The following NUMB variants were observed in gnomAD, a reference collection of about 807,000 sequenced individuals.
NUMB encodes NUMB endocytic adaptor protein.
In NUMB, 29 loss-of-function variants were observed where a neutral mutation model predicts 59.7. That is an observed-to-expected ratio of 0.49 (90% confidence interval 0.36 to 0.66). The LOEUF is 0.66. NUMB is among the 30% of genes least tolerant of loss of function. NUMB has a pLI of 0.00. For missense variants in NUMB, 723 were observed against 822.0 expected, an observed-to-expected ratio of 0.88 and a Z score of 1.47; for synonymous variants, 288 against 288.2, an observed-to-expected ratio of 1.00 and a Z score of 0.01.
At chr14:73,299,560 TGTCATATATATGACATGACATATGTC>T (rs1183568283) in intron 6 of NUMB, among the ~76,000 whole-genome samples, 9,811 of 131,390 alleles carry the variant, frequency 0.075, 798 homozygotes, top group African/African-American at 0.21. Context: ...GTATCATATA[TGTCATATATATGACATGACATATGTC>T]ATGTCATATA....
At chr14:73,442,332 C>G (rs949120703) in intron 1 of NUMB, among the ~76,000 whole-genome samples, 1 of 151,900 alleles carries the variant, frequency 6.6e-6, no homozygotes, top group Non-Finnish European at 1.5e-5. Flanking sequence ...ATGATTGCAC[C>G]ACTGCACTCT....
chr14:73,276,710 T>C lies in NUMB; in HGVS notation c.1824A>G (p.Thr608=), dbSNP rs1305353861. 1.2e-6 allele frequency: 2 copies of C among 1,614,210 alleles called. No homozygotes were observed. The highest frequency in any genetic ancestry group is 1.7e-6 in the Non-Finnish European group (2 of 1,180,026). The part of the protein sequence containing the change: ...ASADRHTEVP[T]GTCPVDPFEA... ...CAAAAGGATCCACTGGGCAGGTGCCTGTAGGAACCTCTGTATGCCTGTCTG... is the reference window on the plus strand; with the variant it reads ...CAAAAGGATCCACTGGGCAGGTGCCCGTAGGAACCTCTGTATGCCTGTCTG... Residue 608 remains threonine, a synonymous_variant, in exon 13 of 13, where the codon ACA becomes ACG. Transcript: ENST00000555238.
intron 1 of NUMB, among the ~76,000 whole-genome samples, chr14:73,425,472 G>A (rs1897538994): frequency 6.6e-6 from 1 of 152,076 alleles, no homozygotes; most frequent in South Asian, 2.1e-4. Context: ...CTCCCAAAGT[G>A]TTGAGATTAC....
intron 11 of NUMB, among the ~76,000 whole-genome samples, chr14:73,279,817 CTCT>C (rs1274072725): frequency 1.3e-5 from 2 of 152,276 alleles, no homozygotes; most frequent in East Asian, 1.9e-4. Context: ...TAGCATTTCC[CTCT>C]TCTTCACTTT....
rs1897026686 is a variant in NUMB at position 73,414,314 on chromosome 14, G to A, written c.-232-4246C>T. On this transcript the variant is annotated intron_variant, in intron 1 of 12. Transcript: ENST00000555238. ...TAAGTTTTCAGAGACTATAGGAAAG[G>A]CTTATATGGTCTTAAAGGAAAAACT... Among the ~76,000 whole-genome samples the A allele has an allele frequency of 1.3e-5, 2 of 152,138 alleles. 1 individual carries two copies. The highest frequency in any genetic ancestry group is 4.1e-4 in the South Asian group (2 of 4,822).
intron 4 of NUMB, among the ~76,000 whole-genome samples, chr14:73,353,072 GTTTTTTTTTTTTTTTTT>G (rs71112737): frequency 2.6e-4 from 15 of 58,514 alleles, no homozygotes; most frequent in South Asian, 6.2e-4. Context: ...AGTTTTTCTT[GTTTTTTTTTTTTTTTTT>G]TTTTTTTTTT....
At position 73,392,564 on chromosome 14, in the gene NUMB, T is replaced by TA. The variant is rs1215735285; in HGVS notation, c.-101+17372dup. On this transcript the variant is annotated intron_variant, in intron 2 of 12. Transcript: ENST00000555238. Reference sequence around the variant, plus strand: ...AGCTTCAATCAATACCTCAGGAAATTAGACAGTTGTGCCTTAGTCGATATC... The same window carrying TA: ...AGCTTCAATCAATACCTCAGGAAATTAAGACAGTTGTGCCTTAGTCGATATC... Among the ~76,000 whole-genome samples, 7 of 152,350 alleles carry TA rather than the reference T, an allele frequency of 4.6e-5. No homozygotes were observed. In the South Asian group the frequency reaches 1.4e-3, roughly 32 times the overall value.
At chr14:73,356,460 T>C (rs1394397230) in intron 3 of NUMB, among the ~76,000 whole-genome samples, 1 of 152,034 alleles carries the variant, frequency 6.6e-6, no homozygotes, top group Non-Finnish European at 1.5e-5. Flanking sequence ...CTGGCCAACA[T>C]GGCAAAACCC....
intron 4 of NUMB, among the ~76,000 whole-genome samples, chr14:73,337,136 T>A (rs1038711218): frequency 7.5e-5 from 11 of 145,976 alleles, no homozygotes; most frequent in Non-Finnish European, 4.5e-5. Context: ...ACTCTGTCTT[T>A]AAAAAAAAAA....
chr14:73,412,902 T>C lies in NUMB; in HGVS notation c.-232-2834A>G, dbSNP rs74681142. On this transcript the variant is annotated intron_variant, in intron 1 of 12. Transcript: ENST00000555238. ...CCTTGGCATTACAGTCATGAGCCAC[T>C]GTGCCCTGCCAAAAGCAACTATTAA... Among the ~76,000 whole-genome samples the C allele has an allele frequency of 5.2e-3, 793 of 152,162 alleles. 8 individuals are homozygous for C. The highest frequency in any genetic ancestry group is 0.018 in the African/African-American group (748 of 41,520).
At position 73,316,434 on chromosome 14, in the gene NUMB, G is replaced by A. The variant is rs769867576; in HGVS notation, c.202-12C>T. The A allele has an allele frequency of 6.2e-7, 1 of 1,613,010 alleles. No individual in the cohort carries two copies. The highest frequency in any genetic ancestry group is 8.5e-7 in the Non-Finnish European group (1 of 1,179,248). ...AAGAACTTCCTTTCCTGGAGGAACA[G>A]GGGGACAAGTCGAGTGCTATTATTG... On this transcript the variant is annotated splice_polypyrimidine_tract_variant and intron_variant, in intron 5 of 12. Transcript: ENST00000555238.
intron 1 of NUMB, among the ~76,000 whole-genome samples, chr14:73,455,380 G>GA (rs1408535468): frequency 2.0e-4 from 30 of 152,252 alleles, no homozygotes; most frequent in African/African-American, 7.0e-4. Context: ...TTCAATGGAA[G>GA]AAAAATCAAA....
At chr14:73,316,493 A>T in intron 5 of NUMB, 71 bp from the exon 6 acceptor site, 2 of 1,411,180 alleles carry the variant, frequency 1.4e-6, no homozygotes, top group Non-Finnish European at 2.0e-6. Flanking sequence ...TCACACCAAT[A>T]AGCACATACA....
At chr14:73,394,539 G>C (rs757552279) in intron 2 of NUMB, among the ~76,000 whole-genome samples, 18 of 152,040 alleles carry the variant, frequency 1.2e-4, no homozygotes, top group Non-Finnish European at 1.9e-4. Flanking sequence ...CTCCTGAGTA[G>C]GTGGAACTAC....
intron 1 of NUMB, among the ~76,000 whole-genome samples, chr14:73,411,914 AT>A (rs924255903): frequency 2.8e-5 from 4 of 142,316 alleles, no homozygotes; most frequent in Non-Finnish European, 4.5e-5. Context: ...ACAAGCAGCA[AT>A]TAACTTTTTT....
At chr14:73,391,956 C>T (rs1414078316) in intron 2 of NUMB, among the ~76,000 whole-genome samples, 1 of 152,140 alleles carries the variant, frequency 6.6e-6, no homozygotes, top group Non-Finnish European at 1.5e-5. Context: ...TGTGTATATA[C>T]GGAAGAGGAG....
chr14:73,412,439 C>A (rs1896938450), intron 1 of NUMB, among the ~76,000 whole-genome samples: 1 of 151,762 alleles, frequency 6.6e-6, no homozygotes, highest in South Asian at 2.1e-4. Context: ...ACCAGCCTGA[C>A]CAACATAGAG....
chr14:73,428,653 T>C (rs1160566566), intron 1 of NUMB, among the ~76,000 whole-genome samples: 2 of 151,922 alleles, frequency 1.3e-5, no homozygotes, highest in Admixed American at 6.6e-5. Flanking sequence ...TAGCCAGGTA[T>C]GGTGGTGCAT....
intron 8 of NUMB, 93 bp from the exon 9 acceptor site, chr14:73,287,407 G>T: frequency 8.8e-7 from 1 of 1,137,220 alleles, no homozygotes; most frequent in Non-Finnish European, 1.2e-6. Context: ...TTGAGACAGA[G>T]TCTTACTGTT....
Sources: allele counts gnomAD v4.1 joint callset (sites outside exome capture counted in the v4.1 genomes callset), GRCh38; gene constraint gnomAD v4.1.1; transcripts MANE v1.5; gene names NCBI Gene and HGNC (gene_info 2026-07-23, HGNC 2026-07-21).